The following ENTREP2 variants were observed in gnomAD, a reference collection of about 807,000 sequenced individuals.
ENTREP2 encodes the protein protein ENTREP2.
the ENTREP2 span, among the ~76,000 whole-genome samples, chr15:29,664,684 G>A: frequency 1.2e-3 from 188 of 152,258 alleles, no homozygotes; most frequent in African/African-American, 4.2e-3. Context: ...TTTTGTGATA[G>A]TTATAACAGC....
At chr15:29,452,090 C>T in the ENTREP2 span, among the ~76,000 whole-genome samples, 3 of 152,352 alleles carry the variant, frequency 2.0e-5, no homozygotes, top group African/African-American at 7.2e-5. Flanking sequence ...ATTTTACACA[C>T]TTTTCTATAT....
chr15:29,262,276 A>T, the ENTREP2 span, among the ~76,000 whole-genome samples: 1 of 152,102 alleles, frequency 6.6e-6, no homozygotes, highest in African/African-American at 2.4e-5. Context: ...TCTCTCTCTG[A>T]CCTTCTCCTG....
chr15:29,458,505 C>T, the ENTREP2 span, among the ~76,000 whole-genome samples: 48 of 152,122 alleles, frequency 3.2e-4, no homozygotes, highest in Non-Finnish European at 2.1e-4. Context: ...GCCCCCTACC[C>T]AATCCCTCCA....
chr15:29,459,601 T>C, the ENTREP2 span, among the ~76,000 whole-genome samples: 3 of 152,192 alleles, frequency 2.0e-5, no homozygotes, highest in Non-Finnish European at 4.4e-5. Context: ...CCTCAGAGAC[T>C]AACTACACTG....
At chr15:29,137,079 T>G in the ENTREP2 span, 1 of 1,458,722 alleles carries the variant, frequency 6.9e-7, no homozygotes. Flanking sequence ...TGGGGGGTAA[T>G]AGGGTGGAGG....
chr15:29,128,694 G>T, the ENTREP2 span: 3,553 of 906,128 alleles, frequency 3.9e-3, 12 homozygotes, highest in Non-Finnish European at 5.7e-3. Flanking sequence ...GGAGGAAAAA[G>T]AGAAGAGAAG....
At chr15:29,288,520 A>C in the ENTREP2 span, among the ~76,000 whole-genome samples, 1 of 151,768 alleles carries the variant, frequency 6.6e-6, no homozygotes, top group Non-Finnish European at 1.5e-5. Flanking sequence ...TTCCCTCATA[A>C]CTCTATATTA....
the ENTREP2 span, among the ~76,000 whole-genome samples, chr15:29,526,596 A>T: frequency 6.6e-6 from 1 of 151,748 alleles, no homozygotes; most frequent in South Asian, 2.1e-4. Flanking sequence ...CCTGAGTAAC[A>T]GACTATAGGC....
At chr15:29,384,047 T>C in the ENTREP2 span, among the ~76,000 whole-genome samples, 1 of 152,026 alleles carries the variant, frequency 6.6e-6, no homozygotes, top group South Asian at 2.1e-4. Flanking sequence ...TCACTAACTC[T>C]CCTTCCAAAT....
the ENTREP2 span, among the ~76,000 whole-genome samples, chr15:29,474,426 A>T: frequency 6.6e-6 from 1 of 152,158 alleles, no homozygotes; most frequent in Non-Finnish European, 1.5e-5. Context: ...ATTAAAACAC[A>T]AATGACTACG....
At chr15:29,140,069 T>C in the ENTREP2 span, among the ~76,000 whole-genome samples, 23 of 152,294 alleles carry the variant, frequency 1.5e-4, no homozygotes, top group South Asian at 4.8e-3. Flanking sequence ...TCCTCCCTTC[T>C]GTTCCCCGGC....
chr15:29,319,591 C>T, the ENTREP2 span, among the ~76,000 whole-genome samples: 2 of 152,214 alleles, frequency 1.3e-5, no homozygotes, highest in African/African-American at 4.8e-5. Flanking sequence ...AGTTTCAGTT[C>T]CAACACGTAA....
chr15:29,341,632 G>C, the ENTREP2 span, among the ~76,000 whole-genome samples: 1 of 152,180 alleles, frequency 6.6e-6, no homozygotes, highest in African/African-American at 2.4e-5. Context: ...AGAGTCAAAA[G>C]GGGGAGTGGC....
chr15:29,626,008 G>C, the ENTREP2 span, among the ~76,000 whole-genome samples: 1 of 151,870 alleles, frequency 6.6e-6, no homozygotes. Flanking sequence ...CACCACACTT[G>C]GCTAATTTTT....
At chr15:29,551,224 G>C in the ENTREP2 span, among the ~76,000 whole-genome samples, 1 of 152,138 alleles carries the variant, frequency 6.6e-6, no homozygotes, top group East Asian at 1.9e-4. Flanking sequence ...ATATGGCTTG[G>C]CTTTGCCAAT....
the ENTREP2 span, among the ~76,000 whole-genome samples, chr15:29,177,353 T>C: frequency 6.6e-6 from 1 of 152,200 alleles, no homozygotes; most frequent in South Asian, 2.1e-4. Context: ...AGACTGCACA[T>C]GCTTTCTGGA....
chr15:29,635,473 G>A, the ENTREP2 span, among the ~76,000 whole-genome samples: 1 of 152,150 alleles, frequency 6.6e-6, no homozygotes, highest in Admixed American at 6.5e-5. Flanking sequence ...CTGCACTGTA[G>A]GGCGGGATGT....
the ENTREP2 span, among the ~76,000 whole-genome samples, chr15:29,204,184 G>A: frequency 5.9e-5 from 9 of 152,148 alleles, no homozygotes; most frequent in Admixed American, 1.3e-4. Flanking sequence ...GAACGACACC[G>A]CAGAGCTTTG....
chr15:29,396,017 TACA>T, the ENTREP2 span, among the ~76,000 whole-genome samples: 1 of 152,194 alleles, frequency 6.6e-6, no homozygotes, highest in Non-Finnish European at 1.5e-5. Context: ...ATATAAAATG[TACA>T]ACATGATTCT....
Sources: allele counts gnomAD v4.1 joint callset (sites outside exome capture counted in the v4.1 genomes callset), GRCh38; gene constraint gnomAD v4.1.1; transcripts MANE v1.5; gene names NCBI Gene and HGNC (gene_info 2026-07-23, HGNC 2026-07-21).